FGF13: variants seen among roughly 807,000 people sequenced by gnomAD.
The protein encoded by FGF13 is fibroblast growth factor 13.
A neutral mutation model predicts 19.5 loss-of-function variants in FGF13; 2 were observed. The ratio of observed to expected loss-of-function variants is 0.10; its 90% CI spans 0.04 to 0.32. FGF13 has a LOEUF of 0.32. FGF13 is among the 10% of genes least tolerant of loss of function. The pLI is 1.00. For missense variants in FGF13, 113 were observed against 192.7 expected (o/e 0.59, Z 2.45); for synonymous variants, 72 against 76.9 (o/e 0.94, Z 0.33).
Position 138,622,464 on chromosome X carries a change from G to C in FGF13, c.*10386C>G, listed in dbSNP as rs984615977. On this transcript the variant is annotated 3_prime_UTR_variant, in exon 5 of 5. Transcript: ENST00000315930. ...AGGAATATCCCTAAATATAACAAAG[G>C]CCATATATATGACAAACTCACATCT... 1 of 111,362 alleles carries C rather than the reference G, an allele frequency of 9.0e-6. No homozygotes were observed. Among genetic ancestry groups the C allele is most frequent in the African/African-American group, 3.3e-5 (1 of 30,676 alleles). 9.2% of individuals were successfully genotyped at this position (111,362 alleles called of 1,213,427 possible).
intron 3 of FGF13, 84 bp downstream of exon 3, chrX:138,702,900 A>G: frequency 1.6e-6 from 1 of 607,888 alleles, no homozygotes; most frequent in Admixed American, 2.5e-5. Flanking sequence ...AGAAATCTGT[A>G]ATGATAACAC....
intron 1 of FGF13, among the ~76,000 whole-genome samples, chrX:138,932,451 C>G (rs1158108191): frequency 7.4e-5 from 8 of 107,712 alleles, no homozygotes; most frequent in Admixed American, 6.0e-4. Flanking sequence ...TGGTGGCACA[C>G]GCCTGTAATC....
At position 138,624,697 on chromosome X, in the gene FGF13, G is replaced by A. The variant is rs757231720; in HGVS notation, c.*8153C>T. On this transcript the variant is annotated 3_prime_UTR_variant, in exon 5 of 5. Transcript: ENST00000315930. ...GAGTTTTAGACCAGCCTGGGCAACAGGGTGAAACTCCATCTCTACTAAAAA... is the reference window on the plus strand; with the variant it reads ...GAGTTTTAGACCAGCCTGGGCAACAAGGTGAAACTCCATCTCTACTAAAAA... 3.6e-5 allele frequency: 4 copies of A among 111,366 alleles called. No individual in the cohort carries two copies. Among genetic ancestry groups the A allele is most frequent in the Non-Finnish European group, 7.5e-5 (4 of 53,005 alleles). 9.2% of individuals were successfully genotyped at this position (111,366 alleles called of 1,213,427 possible).
At chrX:139,124,480 A>T (rs1196082003) in intron 1 of FGF13, among the ~76,000 whole-genome samples, 3 of 111,304 alleles carry the variant, frequency 2.7e-5, no homozygotes, top group Non-Finnish European at 1.9e-5. Flanking sequence ...ATCCTCATAC[A>T]CTACTTTTGA....
At chrX:138,855,962 C>CTGTGTG (rs35763167), downstream of FGF13, among the ~76,000 whole-genome samples, 1,330 of 101,314 alleles carry the variant, frequency 0.013, 25 homozygotes, top group African/African-American at 0.045. Context: ...AGTACAAAAA[C>CTGTGTG]TGTGTGTGTG....
At chrX:138,969,003 G>A (rs1215407311) in intron 1 of FGF13, among the ~76,000 whole-genome samples, 1 of 111,865 alleles carries the variant, frequency 8.9e-6, no homozygotes, top group African/African-American at 3.3e-5. Context: ...TTATTCTGGA[G>A]CTATACATAT....
At chrX:139,190,671 G>T (rs2084320446) in intron 1 of FGF13, among the ~76,000 whole-genome samples, 1 of 112,087 alleles carries the variant, frequency 8.9e-6, no homozygotes, top group Non-Finnish European at 1.9e-5. Flanking sequence ...TAAGGCTGCA[G>T]AACAATGTGA....
chrX:138,753,467 T>C (rs1291908678), intron 3 of FGF13, among the ~76,000 whole-genome samples: 2 of 112,445 alleles, frequency 1.8e-5, no homozygotes, highest in Non-Finnish European at 3.8e-5. Context: ...AGGATAGATC[T>C]GATTAATCAA....
At chrX:139,123,639 C>T (rs2083693983) in intron 1 of FGF13, among the ~76,000 whole-genome samples, 1 of 112,079 alleles carries the variant, frequency 8.9e-6, no homozygotes, top group Admixed American at 9.5e-5. Context: ...GTATTATATA[C>T]TTGTTTATTG....
At position 138,990,753 on chromosome X, in the gene FGF13, A is replaced by G. The variant is rs768229712; in HGVS notation, c.-112-126103T>C. On this transcript the variant is annotated intron_variant, in intron 1 of 2. Coordinates refer to the FGF13 transcript ENST00000421460. ...ACTTGGGAATTATGGGAGCTACAAG[A>G]TGAGACTTGGGTGGAGACACACAGC... The G allele has an allele frequency of 5.4e-5, 6 of 111,955 alleles. No individual in the cohort carries two copies. The East Asian group carries it at 1.7e-3, about 32-fold the overall frequency. 9.2% of individuals were successfully genotyped at this position (111,955 alleles called of 1,213,427 possible).
chrX:139,119,121 A>T (rs763292203), intron 1 of FGF13, among the ~76,000 whole-genome samples: 4 of 111,835 alleles, frequency 3.6e-5, no homozygotes, highest in Non-Finnish European at 5.6e-5. Context: ...AGGAGCTCAG[A>T]GGTTCAAGGT....
chrX:138,961,306 C>A (rs1028198247), intron 1 of FGF13, among the ~76,000 whole-genome samples: 13 of 111,697 alleles, frequency 1.2e-4, no homozygotes, highest in Admixed American at 7.6e-4. Context: ...TGGAGGTCCA[C>A]TCCAGACCCT....
intron 1 of FGF13, among the ~76,000 whole-genome samples, chrX:138,962,308 C>A (rs1318833843): frequency 9.0e-6 from 1 of 111,547 alleles, no homozygotes; most frequent in African/African-American, 3.3e-5. Flanking sequence ...CCAGCTTACA[C>A]CAGTTAGAAT....
rs752674401 is a variant in FGF13, at chrX:138,632,569, T to A, written c.*281A>T. 1 of 196,877 alleles carries A rather than the reference T, an allele frequency of 5.1e-6. No homozygotes were observed. The highest frequency in any genetic ancestry group is 9.5e-6 in the Non-Finnish European group (1 of 105,552). 16.2% of individuals were successfully genotyped at this position (196,877 alleles called of 1,213,427 possible). A position where few individuals can be genotyped will look rare whatever the true frequency, so the allele number is the denominator to read the frequency against. On this transcript the variant is annotated 3_prime_UTR_variant, in exon 5 of 5. Coordinates refer to ENST00000315930, the MANE Select transcript of FGF13 (RefSeq NM_004114.5). ...GCTGTGAAATACTTTTGGATTATCA[T>A]CCCCAAAGTATAGGTGAGATCATGA...
intron 3 of FGF13, among the ~76,000 whole-genome samples, chrX:138,747,309 C>G (rs762211202): frequency 9.0e-6 from 1 of 111,255 alleles, no homozygotes; most frequent in South Asian, 3.8e-4. Context: ...TCACAGCAAT[C>G]GCTTTTTTCA....
chrX:139,030,979 C>T (rs183703306), intron 1 of FGF13, among the ~76,000 whole-genome samples: 1 of 111,452 alleles, frequency 9.0e-6, no homozygotes, highest in East Asian at 2.9e-4. Context: ...CAGGCCTTGG[C>T]GGACTTATTT....
chrX:139,037,146 T>C (rs986913727), intron 1 of FGF13, among the ~76,000 whole-genome samples: 2 of 111,283 alleles, frequency 1.8e-5, no homozygotes, highest in South Asian at 7.6e-4. Context: ...CTGCTGCTTC[T>C]CTGCAGAAAA....
upstream of FGF13, chrX:138,714,261 A>C (rs1005985336): frequency 4.5e-5 from 5 of 112,187 alleles, no homozygotes; most frequent in African/African-American, 1.6e-4. Flanking sequence ...GCCTGTGACC[A>C]GAGGGTAAAT....
At chrX:139,166,395 TC>T (rs373139393) in intron 1 of FGF13, among the ~76,000 whole-genome samples, 38 of 111,924 alleles carry the variant, frequency 3.4e-4, no homozygotes, top group African/African-American at 1.2e-3. Flanking sequence ...TCCTGAGTCT[TC>T]CCCAGCCATA....
Sources: gnomAD v4.1 joint callset for allele counts (sites outside exome capture counted in the v4.1 genomes callset) on GRCh38, gnomAD v4.1.1 for gene constraint, MANE v1.5 for transcripts, NCBI Gene and HGNC (gene_info 2026-07-23, HGNC 2026-07-21) for gene names.